Variants in CFAP54 observed in about 807,000 individuals in gnomAD.
CFAP54 encodes the protein cilia- and flagella-associated protein 54.
In CFAP54, 290 loss-of-function variants were observed where a neutral mutation model predicts 370.4. The ratio of observed to expected loss-of-function variants is 0.78; its 90% CI spans 0.71 to 0.86. The LOEUF (loss-of-function observed/expected upper bound fraction) is 0.86, where lower values mean the gene tolerates loss of function less well. Ranked by LOEUF, CFAP54 falls within the 40% of genes least tolerant of loss-of-function variation. CFAP54 has a pLI of 0.00. For synonymous variants in CFAP54, 1,206 were observed against 1,236.5 expected (o/e 0.98, Z 0.52); for missense variants, 3,399 against 3,528.7 (o/e 0.96, Z 0.93).
At chr12:96,553,661 G>T (rs185422731) in intron 15 of CFAP54, among the ~76,000 whole-genome samples, 2 of 150,986 alleles carry the variant, frequency 1.3e-5, no homozygotes, top group African/African-American at 4.8e-5. Context: ...GGCAAAGCTG[G>T]TTGCTCTTTA....
chr12:96,636,702 T>C (rs1363157089), intron 32 of CFAP54, among the ~76,000 whole-genome samples: 6 of 152,206 alleles, frequency 3.9e-5, no homozygotes, highest in Non-Finnish European at 8.8e-5. Context: ...ATGCTTGTAA[T>C]CCCAGAACTT....
intron 19 of CFAP54, among the ~76,000 whole-genome samples, chr12:96,569,492 C>A (rs1415351833): frequency 6.6e-6 from 1 of 152,178 alleles, no homozygotes; most frequent in African/African-American, 2.4e-5. Flanking sequence ...TCTGATTACA[C>A]CATTATAACT....
chr12:96,771,155 T>C (rs1280438173), intron 60 of CFAP54, among the ~76,000 whole-genome samples: 1 of 152,140 alleles, frequency 6.6e-6, no homozygotes, highest in Non-Finnish European at 1.5e-5. Flanking sequence ...GAATTCAAAT[T>C]AGGCCTTAAC....
In CFAP54 at chr12:96,648,105, C is replaced by A. The variant is rs979195948; in HGVS notation, c.4690+88C>A. The stretch of plus-strand genomic sequence containing the variant: ...AGCACACATACACATTGTGGACACA[C>A]AAATGTATACACCCAGTTTTCCAAA... On this transcript the variant is annotated intron_variant, in intron 34 of 67. Coordinates refer to ENST00000524981, the MANE Select transcript of CFAP54 (RefSeq NM_001306084.2). The A allele has an allele frequency of 1.5e-5, 14 of 924,728 alleles. No individual in the cohort carries two copies. The Admixed American group carries it at 5.0e-4, about 33-fold the overall frequency. The allele number at this position is 924,728 out of a possible 1,614,324, so 57.3% of individuals were successfully genotyped here.
chr12:96,638,207 G>GCA (rs1209361877), intron 32 of CFAP54, among the ~76,000 whole-genome samples: 13 of 75,740 alleles, frequency 1.7e-4, no homozygotes, highest in Admixed American at 8.4e-4. Context: ...ATATATGCAT[G>GCA]TGTGTGTGTG....
intron 46 of CFAP54, among the ~76,000 whole-genome samples, chr12:96,703,801 T>G (rs1957517161): frequency 6.6e-6 from 1 of 152,136 alleles, no homozygotes; most frequent in African/African-American, 2.4e-5. Flanking sequence ...ACAATGTGGG[T>G]GGGAGTGTAA....
At chr12:96,820,577 A>G (rs1959021254) in intron 65 of CFAP54, among the ~76,000 whole-genome samples, 1 of 152,176 alleles carries the variant, frequency 6.6e-6, no homozygotes, top group Admixed American at 6.5e-5. Context: ...CATGGGGCAG[A>G]TGTCTTAGAA....
At chr12:96,822,648 C>G (rs1260470679) in intron 65 of CFAP54, among the ~76,000 whole-genome samples, 1 of 152,176 alleles carries the variant, frequency 6.6e-6, no homozygotes, top group East Asian at 1.9e-4. Context: ...CCCAGTAGCT[C>G]TGTCGTAAGA....
In CFAP54 at chr12:96,693,820, G is replaced by A; in HGVS notation, c.6351+12G>A. 1.3e-6 allele frequency: 2 copies of A among 1,498,096 alleles called. No homozygotes were observed. The highest frequency in any genetic ancestry group is 1.8e-6 in the Non-Finnish European group (2 of 1,083,604). The allele number at this position is 1,498,096 out of a possible 1,614,324, so 92.8% of individuals were successfully genotyped here. ...CAAGAATCCTCAAGGTATGTTACAA[G>A]CTTTTAAGACATTTGATATTCTTGA... On this transcript the variant is annotated intron_variant, in intron 45 of 67. Transcript: ENST00000524981.
intron 66 of CFAP54, among the ~76,000 whole-genome samples, chr12:96,837,233 T>A (rs1959189086): frequency 6.6e-6 from 1 of 152,212 alleles, no homozygotes; most frequent in East Asian, 1.9e-4. Context: ...ATTTGCACCT[T>A]TAATTTTGTG....
intron 19 of CFAP54, among the ~76,000 whole-genome samples, chr12:96,567,770 T>G (rs1955877301): frequency 1.3e-5 from 2 of 152,144 alleles, no homozygotes; most frequent in African/African-American, 4.8e-5. Context: ...CCCCTGTATG[T>G]GTCTGCCTCC....
In CFAP54 at chr12:96,626,940, G is replaced by A. The variant is rs1441860078; in HGVS notation, c.4103+1G>A. ...CTCCTGTCCATGACTTCTTGAAAAG[G>A]TACTTGCAATTATCAGTGTTATACA... On this transcript the variant is annotated splice_donor_variant, in intron 30 of 67. Coordinates refer to ENST00000524981, the MANE Select transcript of CFAP54 (RefSeq NM_001306084.2). LOFTEE classifies it high-confidence loss of function. 11 of 1,349,880 alleles carry A rather than the reference G, an allele frequency of 8.1e-6. No homozygotes were observed. Among genetic ancestry groups the A allele is most frequent in the Admixed American group, 3.0e-5 (1 of 33,326 alleles). The allele number at this position is 1,349,880 out of a possible 1,614,324, so 83.6% of individuals were successfully genotyped here.
intron 6 of CFAP54, among the ~76,000 whole-genome samples, chr12:96,521,523 T>G (rs1318169096): frequency 1.7e-5 from 2 of 115,766 alleles, no homozygotes; most frequent in Non-Finnish European, 3.6e-5. Context: ...TGTGTGTGTG[T>G]GTGTGTGTGT....
chr12:96,829,131 G>A (rs747919439), intron 66 of CFAP54, 43 bp downstream of exon 66: 5 of 1,081,532 alleles, frequency 4.6e-6, no homozygotes, highest in African/African-American at 1.6e-5. Context: ...TCACTCACAA[G>A]TATTATTGCT....
chr12:96,593,183 T>C (rs1356844456), intron 24 of CFAP54, among the ~76,000 whole-genome samples: 1 of 152,192 alleles, frequency 6.6e-6, no homozygotes, highest in East Asian at 1.9e-4. Context: ...TATTGATAGA[T>C]TCTCAGTGTG....
In CFAP54 at chr12:96,651,314, A is replaced by G. The variant is rs562244231; in HGVS notation, c.4873-274A>G. ...TCGCTGCTGAATTCCCAGCACCTAGAACAATGGGTTAGCCACGCTGAACCC... is the reference window on the plus strand; with the variant it reads ...TCGCTGCTGAATTCCCAGCACCTAGGACAATGGGTTAGCCACGCTGAACCC... On this transcript the variant is annotated intron_variant, in intron 35 of 67. Coordinates refer to ENST00000524981, the MANE Select transcript of CFAP54 (RefSeq NM_001306084.2). Among the ~76,000 whole-genome samples, 25 of 152,334 alleles carry G rather than the reference A, an allele frequency of 1.6e-4. 1 individual carries two copies. The South Asian group carries it at 4.1e-3, about 25-fold the overall frequency.
chr12:96,625,313 A>G (rs1592891679), intron 28 of CFAP54, among the ~76,000 whole-genome samples: 1 of 152,334 alleles, frequency 6.6e-6, no homozygotes, highest in East Asian at 1.9e-4. Context: ...TTAGAATTTG[A>G]ACCCAGCCAG....
intron 15 of CFAP54, 50 bp downstream of exon 15, chr12:96,548,028 C>A: frequency 2.6e-6 from 2 of 776,732 alleles, no homozygotes; most frequent in South Asian, 2.0e-5. Context: ...ATTTTATTTT[C>A]AAATAATATT....
chr12:96,577,178 G>A (rs1054219375), intron 20 of CFAP54, among the ~76,000 whole-genome samples: 2 of 152,306 alleles, frequency 1.3e-5, no homozygotes, highest in East Asian at 1.9e-4. Context: ...GTAAAATTTA[G>A]GGGTGATGAG....
Sources: gnomAD v4.1 joint callset for allele counts (sites outside exome capture counted in the v4.1 genomes callset) on GRCh38, gnomAD v4.1.1 for gene constraint, MANE v1.5 for transcripts, NCBI Gene and HGNC (gene_info 2026-07-23, HGNC 2026-07-21) for gene names.